TMC5: variants seen among roughly 807,000 people sequenced by gnomAD.
TMC5 encodes transmembrane channel like 5.
Under a neutral mutation model 110.5 loss-of-function variants are expected in TMC5, and 86 were observed. That is an observed-to-expected ratio of 0.78 (90% confidence interval 0.65 to 0.93). The LOEUF (loss-of-function observed/expected upper bound fraction) is 0.93. Among genes scored for constraint, TMC5 ranks in the 40% least tolerant of loss-of-function variants. TMC5 has a pLI of 0.00. For synonymous variants in TMC5, 455 were observed against 439.5 expected, an observed-to-expected ratio of 1.04 and a Z score of -0.44; for missense variants, 1,144 against 1,222.8, an observed-to-expected ratio of 0.94 and a Z score of 0.96.
chr16:19,420,550 C>G lies in TMC5; in HGVS notation c.-308+2458C>G, dbSNP rs534505566. Reference sequence around the variant, plus strand: ...ATCATAGTGCACTGCAGCCTCAACTCCCTTGTTTCAAGTCATCATCCAGGC... The same window carrying G: ...ATCATAGTGCACTGCAGCCTCAACTGCCTTGTTTCAAGTCATCATCCAGGC... On this transcript the variant is annotated intron_variant, in intron 1 of 21. Transcript: ENST00000542583. Among the ~76,000 whole-genome samples the G allele has an allele frequency of 7.2e-5, 11 of 152,284 alleles. No individual in the cohort carries two copies. In the East Asian group the frequency reaches 1.9e-3, roughly 27 times the overall value.
chr16:19,490,349 C>A (rs1297709659), intron 17 of TMC5, 46 bp from the exon 18 acceptor site: 2 of 1,594,194 alleles, frequency 1.3e-6, no homozygotes, highest in Admixed American at 1.7e-5. Context: ...GAATAACCAT[C>A]CCTGAGTCTT....
chr16:19,421,968 C>T lies in TMC5; in HGVS notation c.-308+3876C>T, dbSNP rs139668517. On this transcript the variant is annotated intron_variant, in intron 1 of 21. Coordinates refer to ENST00000542583, the MANE Select transcript of TMC5 (RefSeq NM_001261841.2). ...AGAGAGGGCCGGGCGCGGTGGCTCACGCCTGTAATCCCAGTACTTTGGAAG... is the reference window on the plus strand; with the variant it reads ...AGAGAGGGCCGGGCGCGGTGGCTCATGCCTGTAATCCCAGTACTTTGGAAG... 5.5e-3 allele frequency among the ~76,000 whole-genome samples: 843 copies of T among 152,154 alleles called. 7 individuals carry two copies. The highest frequency in any genetic ancestry group is 0.014 in the Middle Eastern group (4 of 294).
intron 5 of TMC5, among the ~76,000 whole-genome samples, chr16:19,450,946 T>C (rs1302987426): frequency 6.6e-6 from 1 of 152,048 alleles, no homozygotes; most frequent in Non-Finnish European, 1.5e-5. Flanking sequence ...GTGATGAAGG[T>C]TGAATCAGAG....
chr16:19,472,518 A>G (rs181703943), intron 11 of TMC5, among the ~76,000 whole-genome samples: 1 of 152,152 alleles, frequency 6.6e-6, no homozygotes, highest in African/African-American at 2.4e-5. Context: ...AAAATTTTAA[A>G]AATTAGCCTG....
chr16:19,472,866 AG>A (rs1042643497), intron 11 of TMC5, among the ~76,000 whole-genome samples: 7 of 152,166 alleles, frequency 4.6e-5, no homozygotes, highest in African/African-American at 1.7e-4. Flanking sequence ...AGGTAGACGG[AG>A]GTAGGGTGAG....
chr16:19,414,073 A>G (rs7201592), upstream of TMC5, among the ~76,000 whole-genome samples: 89,689 of 152,128 alleles, frequency 0.59, 26,794 homozygotes, highest in South Asian at 0.72. Flanking sequence ...TTCATAACCC[A>G]TCCAATGACA....
At position 19,490,484 on chromosome 16, in the gene TMC5, G is replaced by A. The variant is rs760703356; in HGVS notation, c.2663G>A (p.Arg888Gln). 25 of 1,613,866 alleles carry A rather than the reference G, an allele frequency of 1.5e-5. No homozygotes were observed. Among genetic ancestry groups the A allele is most frequent in the African/African-American group, 8.0e-5 (6 of 74,838 alleles). ...IYSWIDTLST[R>Q]PGYLWVVWIY... is the part of the protein sequence containing the mutation. Reference sequence around the variant, plus strand: ...AGCTGGATCGACACCCTAAGTACACGGCCTGGCTACCTGTGGGTTGTTTGG... The same window carrying A: ...AGCTGGATCGACACCCTAAGTACACAGCCTGGCTACCTGTGGGTTGTTTGG... The change falls in exon 18 of 22, where the codon CGG becomes CAG. Residue 888 changes from arginine (R) to glutamine (Q), a missense_variant. By Grantham distance (43) the Arg-to-Gln change is conservative. Transcript: ENST00000542583.
intron 2 of TMC5, among the ~76,000 whole-genome samples, chr16:19,436,946 A>G (rs1184013813): frequency 2.6e-5 from 4 of 152,284 alleles, no homozygotes; most frequent in African/African-American, 9.6e-5. Flanking sequence ...TGGGAGGCCG[A>G]GATCAGATTG....
At chr16:19,463,746 A>C in intron 7 of TMC5, 30 bp from the exon 8 acceptor site, 1 of 1,608,350 alleles carries the variant, frequency 6.2e-7, no homozygotes. Context: ...GTCAACAGCA[A>C]GCCACACCTG....
chr16:19,459,806 A>G (rs578014130), intron 5 of TMC5, among the ~76,000 whole-genome samples: 4 of 148,350 alleles, frequency 2.7e-5, no homozygotes, highest in Non-Finnish European at 5.9e-5. Flanking sequence ...TAATCACAAC[A>G]CTTTGGGAGG....
chr16:19,450,683 G>C (rs1230017011), intron 5 of TMC5, among the ~76,000 whole-genome samples: 2 of 152,184 alleles, frequency 1.3e-5, no homozygotes, highest in Non-Finnish European at 2.9e-5. Context: ...TAATGCGGGG[G>C]AAGGACTCTG....
At chr16:19,457,277 C>A (rs76512790) in intron 5 of TMC5, among the ~76,000 whole-genome samples, 82,411 of 151,518 alleles carry the variant, frequency 0.54, 26,517 homozygotes, top group Non-Finnish European at 0.69. Flanking sequence ...ACCTGTGGTC[C>A]CAGCTACTCA....
chr16:19,463,073 C>G (rs1000881793), intron 6 of TMC5, among the ~76,000 whole-genome samples: 2 of 151,984 alleles, frequency 1.3e-5, no homozygotes, highest in African/African-American at 4.8e-5. Flanking sequence ...TACCAACACA[C>G]CCAGCTATTT....
intron 15 of TMC5, among the ~76,000 whole-genome samples, chr16:19,485,056 TG>T (rs1455027199): frequency 6.6e-6 from 1 of 151,874 alleles, no homozygotes; most frequent in Non-Finnish European, 1.5e-5. Flanking sequence ...GCCTATTTTT[TG>T]GTATAGTGAC....
At chr16:19,453,675 G>A (rs1442275259) in intron 5 of TMC5, among the ~76,000 whole-genome samples, 1 of 152,042 alleles carries the variant, frequency 6.6e-6, no homozygotes, top group African/African-American at 2.4e-5. Flanking sequence ...GGCTGAGATG[G>A]GAAGATCCCT....
intron 1 of TMC5, among the ~76,000 whole-genome samples, chr16:19,430,060 A>G (rs1318959841): frequency 6.6e-6 from 1 of 152,168 alleles, no homozygotes; most frequent in African/African-American, 2.4e-5. Context: ...TGAACAGCAT[A>G]TGCCCTGGAA....
chr16:19,414,899 G>A (rs1313894851), upstream of TMC5, among the ~76,000 whole-genome samples: 1 of 152,110 alleles, frequency 6.6e-6, no homozygotes, highest in Non-Finnish European at 1.5e-5. Flanking sequence ...GAGAAACTAG[G>A]TGGGCATAGT....
intron 8 of TMC5, 56 bp from the exon 9 acceptor site, chr16:19,466,026 C>T (rs1314340250): frequency 1.4e-5 from 22 of 1,590,410 alleles, no homozygotes; most frequent in East Asian, 4.5e-5. Flanking sequence ...TGACCATAAT[C>T]GTTTACCTTT....
chr16:19,451,128 T>C (rs1432641099), intron 5 of TMC5, among the ~76,000 whole-genome samples: 2 of 152,132 alleles, frequency 1.3e-5, no homozygotes, highest in African/African-American at 4.8e-5. Context: ...AGTGAGACCC[T>C]GTCTCAAAAT....
Sources: allele counts gnomAD v4.1 joint callset (sites outside exome capture counted in the v4.1 genomes callset), GRCh38; gene constraint gnomAD v4.1.1; transcripts MANE v1.5; gene names NCBI Gene and HGNC (gene_info 2026-07-23, HGNC 2026-07-21).